Variants in XRCC5 observed in about 807,000 individuals in gnomAD.
The protein encoded by XRCC5 is DNA repair protein Ku80.
In XRCC5, 12 loss-of-function variants were observed where a neutral mutation model predicts 95.7. That is an observed-to-expected ratio of 0.13 (90% CI 0.08 to 0.20). The LOEUF (loss-of-function observed/expected upper bound fraction) is 0.20. Ranked by LOEUF, XRCC5 falls within the 10% of genes least tolerant of loss-of-function variation. XRCC5 has a pLI of 1.00. For synonymous variants in XRCC5, 281 were observed against 290.3 expected, an observed-to-expected ratio of 0.97 and a Z score of 0.33; for missense variants, 595 against 873.9, an observed-to-expected ratio of 0.68 and a Z score of 4.02.
intron 14 of XRCC5, among the ~76,000 whole-genome samples, chr2:216,150,134 C>T (rs756017682): frequency 7.2e-5 from 11 of 152,068 alleles, no homozygotes; most frequent in South Asian, 2.1e-4. Context: ...GCCAACAATT[C>T]GCAATGTTTT....
At chr2:216,159,476 T>C (rs1471018407) in intron 14 of XRCC5, among the ~76,000 whole-genome samples, 3 of 152,180 alleles carry the variant, frequency 2.0e-5, no homozygotes, top group African/African-American at 7.2e-5. Context: ...AAAGAACAAA[T>C]TAAAAAGTTT....
chr2:216,175,460 GT>G, intron 16 of XRCC5: 1 of 514,594 alleles, frequency 1.9e-6, no homozygotes, highest in Non-Finnish European at 3.9e-6. Context: ...CTTTACAGTT[GT>G]GCTTGTTAAT....
intron 13 of XRCC5, among the ~76,000 whole-genome samples, chr2:216,144,050 G>A (rs1337609535): frequency 6.6e-6 from 1 of 152,100 alleles, no homozygotes; most frequent in East Asian, 1.9e-4. Flanking sequence ...CTAGAAGAAT[G>A]AGAAAAGTAG....
chr2:216,117,683 G>T, intron 3 of XRCC5, 63 bp from the exon 4 acceptor site: 1 of 1,554,862 alleles, frequency 6.4e-7, no homozygotes, highest in Non-Finnish European at 8.9e-7. Flanking sequence ...GACTTCATTG[G>T]AAAGAGTTGC....
intron 19 of XRCC5, among the ~76,000 whole-genome samples, chr2:216,202,374 C>T (rs41296797): frequency 2.2e-4 from 33 of 152,172 alleles, no homozygotes; most frequent in African/African-American, 7.0e-4. Flanking sequence ...GATAATAACC[C>T]GGAAAACCCC....
intron 8 of XRCC5, chr2:216,128,067 C>T (rs1696924264): frequency 6.5e-6 from 1 of 153,048 alleles, no homozygotes; most frequent in Admixed American, 6.5e-5. Context: ...TATGTCCTAC[C>T]AGATATGCTT....
At chr2:216,155,604 T>C (rs1161279752) in intron 14 of XRCC5, among the ~76,000 whole-genome samples, 4 of 152,162 alleles carry the variant, frequency 2.6e-5, no homozygotes, top group Admixed American at 2.0e-4. Flanking sequence ...GGGAAAATGG[T>C]CTGTAAACAT....
chr2:216,194,403 G>A (rs1406599240), intron 18 of XRCC5, among the ~76,000 whole-genome samples: 1 of 152,142 alleles, frequency 6.6e-6, no homozygotes, highest in Non-Finnish European at 1.5e-5. Context: ...ATATTCTTAG[G>A]AGAGAGAACA....
chr2:216,149,019 C>T (rs1377523110), intron 14 of XRCC5, among the ~76,000 whole-genome samples: 1 of 152,048 alleles, frequency 6.6e-6, no homozygotes, highest in African/African-American at 2.4e-5. Context: ...TTTTCTCAAG[C>T]TGGAATAATC....
At chr2:216,124,360 C>A (rs527354647) in intron 6 of XRCC5, among the ~76,000 whole-genome samples, 1 of 152,272 alleles carries the variant, frequency 6.6e-6, no homozygotes. Context: ...AATTCTCATG[C>A]CTCAGCCTCC....
intron 14 of XRCC5, among the ~76,000 whole-genome samples, chr2:216,150,371 A>G (rs936053315): frequency 1.3e-5 from 2 of 152,234 alleles, no homozygotes; most frequent in Admixed American, 1.3e-4. Flanking sequence ...ATGAACAAAG[A>G]TATTAAAGCA....
At chr2:216,143,867 C>T (rs1328433533) in intron 13 of XRCC5, among the ~76,000 whole-genome samples, 6 of 130,198 alleles carry the variant, frequency 4.6e-5, no homozygotes, top group South Asian at 2.6e-4. Context: ...CCACCACGCC[C>T]GGCTAATTTT....
At chr2:216,168,046 C>T (rs1043418985) in intron 16 of XRCC5, among the ~76,000 whole-genome samples, 1 of 152,028 alleles carries the variant, frequency 6.6e-6, no homozygotes, top group Non-Finnish European at 1.5e-5. Flanking sequence ...TATTTTATGC[C>T]TCATTTATCA....
intron 16 of XRCC5, among the ~76,000 whole-genome samples, chr2:216,188,017 C>T (rs1002282208): frequency 4.6e-5 from 7 of 152,032 alleles, no homozygotes; most frequent in Admixed American, 1.3e-4. Context: ...CTCTCACACA[C>T]ACTTTCTCTT....
chr2:216,131,192 T>C, intron 9 of XRCC5: 1 of 985,392 alleles, frequency 1.0e-6, no homozygotes, highest in Non-Finnish European at 1.2e-6. Context: ...TATATGAGCA[T>C]AGCAAACTAA....
At chr2:216,161,570 C>T (rs1422895265) in intron 15 of XRCC5, among the ~76,000 whole-genome samples, 7 of 152,216 alleles carry the variant, frequency 4.6e-5, no homozygotes, top group African/African-American at 2.4e-5. Flanking sequence ...AGCTGTATTT[C>T]TCATGTTATC....
At chr2:216,128,291 C>G (rs1228730072) in intron 8 of XRCC5, among the ~76,000 whole-genome samples, 3 of 152,112 alleles carry the variant, frequency 2.0e-5, no homozygotes, top group Non-Finnish European at 4.4e-5. Flanking sequence ...AAGATAGAAA[C>G]AAGAGTCCTT....
intron 8 of XRCC5, 50 bp from the exon 9 acceptor site, chr2:216,130,825 A>G (rs1366052175): frequency 3.1e-6 from 4 of 1,292,402 alleles, no homozygotes; most frequent in Admixed American, 2.1e-5. Context: ...TTCAGCTTGT[A>G]GAAAATGAGG....
intron 2 of XRCC5, 118 bp downstream of exon 2, chr2:216,113,247 C>T (rs1696625237): frequency 1.3e-6 from 1 of 786,276 alleles, no homozygotes; most frequent in African/African-American, 1.7e-5. Flanking sequence ...TGGGGGGATT[C>T]TGGGGAGTTT....
Sources: gnomAD v4.1 joint callset for allele counts (sites outside exome capture counted in the v4.1 genomes callset) on GRCh38, gnomAD v4.1.1 for gene constraint, MANE v1.5 for transcripts, NCBI Gene and HGNC (gene_info 2026-07-23, HGNC 2026-07-21) for gene names.